The following SSBP4 variants were observed in gnomAD, a reference collection of about 807,000 sequenced individuals.
The protein encoded by SSBP4 is single stranded DNA binding protein 4.
SSBP4 carries 33 observed loss-of-function variants against 64.6 expected under a neutral mutation model. That is an observed-to-expected ratio of 0.51 (90% CI 0.39 to 0.68). SSBP4 has a LOEUF of 0.68. Ranked by LOEUF, SSBP4 falls within the 30% of genes least tolerant of loss-of-function variation. The probability of loss-of-function intolerance (pLI) is 0.00; values close to 1 mark genes in which losing one functional copy is unlikely to be tolerated. For synonymous variants in SSBP4, 243 were observed against 224.0 expected, an observed-to-expected ratio of 1.08 and a Z score of -0.76; for missense variants, 583 against 566.8, an observed-to-expected ratio of 1.03 and a Z score of -0.29.
At chr19:18,433,337 G>C in intron 15 of SSBP4, 124 bp downstream of exon 15, 2 of 1,357,070 alleles carry the variant, frequency 1.5e-6, no homozygotes, top group Non-Finnish European at 2.0e-6. Context: ...AGCCCCCCGG[G>C]GGCCGCTCAG....
the SSBP4 span, among the ~76,000 whole-genome samples, chr19:18,407,968 C>T: frequency 0.29 from 43,631 of 152,000 alleles, 6,465 homozygotes; most frequent in African/African-American, 0.36. Context: ...TGGTCTCAAA[C>T]TTCTGGGCTC....
At chr19:18,405,048 C>T in the SSBP4 span, among the ~76,000 whole-genome samples, 1 of 151,688 alleles carries the variant, frequency 6.6e-6, no homozygotes, top group Non-Finnish European at 1.5e-5. Context: ...GGGGTGGCCC[C>T]GCCTCAATTC....
intron 17 of SSBP4, 141 bp downstream of exon 17, chr19:18,433,958 T>C: frequency 8.3e-7 from 1 of 1,198,786 alleles, no homozygotes; most frequent in South Asian, 3.3e-5. Context: ...CGGCATCCTT[T>C]CCCTCTCCTC....
intron 1 of SSBP4, among the ~76,000 whole-genome samples, chr19:18,425,287 C>A (rs1182502621): frequency 6.6e-6 from 1 of 152,104 alleles, no homozygotes; most frequent in East Asian, 1.9e-4. Context: ...GCAGGACCTC[C>A]CGCTGCCCCC....
At chr19:18,414,824 G>A (rs1454973726), upstream of SSBP4, among the ~76,000 whole-genome samples, 1 of 152,290 alleles carries the variant, frequency 6.6e-6, no homozygotes, top group East Asian at 1.9e-4. Context: ...TGGCTTGGAG[G>A]GGTCACTGAA....
chr19:18,429,477 G>C (rs1354016441), intron 4 of SSBP4, among the ~76,000 whole-genome samples: 2 of 151,732 alleles, frequency 1.3e-5, no homozygotes, highest in African/African-American at 4.8e-5. Context: ...GGGCGGGGGG[G>C]GGGTGCGGTG....
Position 18,433,162 on chromosome 19 carries a change from CCCATGGCCG to C in SSBP4, c.946_954del (p.Ala316_Met318del), listed in dbSNP as rs1973603318. Reference sequence around the variant, plus strand: ...CCCGCTCGGCCCTGGCCCGGAGGGCCCCATGGCCGCCATGAGCGCGATGGAGCCTCACCA... The same window carrying C: ...CCCGCTCGGCCCTGGCCCGGAGGGCCCCATGAGCGCGATGGAGCCTCACCA... On this transcript the variant is annotated inframe_deletion, in exon 15 of 18. Coordinates refer to ENST00000270061, the MANE Select transcript of SSBP4 (RefSeq NM_032627.5). The C allele has an allele frequency of 2.5e-6, 4 of 1,597,074 alleles. No individual in the cohort carries two copies. The highest frequency in any genetic ancestry group is 2.7e-5 in the African/African-American group (2 of 74,748).
rs768736900 is a variant in SSBP4 at position 18,430,834 on chromosome 19, C to T, written c.280-7C>T. The T allele has an allele frequency of 1.2e-6, 2 of 1,611,438 alleles. No individual in the cohort carries two copies. The highest frequency in any genetic ancestry group is 1.7e-5 in the Admixed American group (1 of 59,858). ...CCTGGCCCTCTGGGTTTCCCGCACC[C>T]TTACAGAGTGCTGCAGCCGCCCCCA... On this transcript the variant is annotated splice_region_variant and splice_polypyrimidine_tract_variant and intron_variant, in intron 4 of 17. Coordinates refer to ENST00000270061, the MANE Select transcript of SSBP4 (RefSeq NM_032627.5).
Position 18,427,476 on chromosome 19 carries a change from C to T in SSBP4, c.132+53C>T. ...CCCTCCTCACCCACACTCCGGGGGT[C>T]CTTCATTTCCACTGGGGATCCAGGG... On this transcript the variant is annotated intron_variant, in intron 2 of 17. Transcript: ENST00000270061. This position sits in a 1 kb window ranked among gnomAD's most constrained non-coding sequence, Gnocchi z 4.4. The T allele has an allele frequency of 1.3e-6, 2 of 1,577,614 alleles. No homozygotes were observed. The highest frequency in any genetic ancestry group is 1.7e-6 in the Non-Finnish European group (2 of 1,160,476).
intron 5 of SSBP4, 98 bp from the exon 6 acceptor site, chr19:18,431,255 G>A (rs924664332): frequency 2.3e-4 from 144 of 618,760 alleles, no homozygotes; most frequent in Non-Finnish European, 4.0e-4. Flanking sequence ...CTGTCCCACA[G>A]GCTGGCCCAC....
intron 4 of SSBP4, 51 bp from the exon 5 acceptor site, chr19:18,430,790 A>G: frequency 6.6e-7 from 1 of 1,522,548 alleles, no homozygotes; most frequent in East Asian, 2.4e-5. Context: ...CCCAGGTAGG[A>G]AGTGTCCAGG....
intron 4 of SSBP4, 86 bp downstream of exon 4, chr19:18,428,068 C>A: frequency 7.5e-7 from 1 of 1,325,860 alleles, no homozygotes; most frequent in Non-Finnish European, 1.0e-6. Flanking sequence ...GGGGGCTGCA[C>A]AGCCAGAGGA....
intron 16 of SSBP4, 38 bp downstream of exon 16, chr19:18,433,651 G>C (rs939978373): frequency 4.2e-6 from 6 of 1,427,998 alleles, no homozygotes; most frequent in East Asian, 2.9e-5. Flanking sequence ...TGGGATCCGG[G>C]GGGGGTGGCG....
chr19:18,413,573 T>C, the SSBP4 span, among the ~76,000 whole-genome samples: 2 of 151,990 alleles, frequency 1.3e-5, no homozygotes, highest in East Asian at 3.9e-4. Flanking sequence ...AGACCCAAGA[T>C]GGCACACTGA....
chr19:18,433,216 G>A lies in SSBP4; in HGVS notation c.991+3G>A. On this transcript the variant is annotated splice_donor_region_variant and intron_variant, in intron 15 of 17. Transcript: ENST00000270061. ...TCACCACGTGAACGGATCCCTGGGT[G>A]AGTGGGCGTCCCTGCTCCCGCCCAC... The A allele has an allele frequency of 1.3e-6, 2 of 1,559,522 alleles. No homozygotes were observed. Among genetic ancestry groups the A allele is most frequent in the Non-Finnish European group, 1.7e-6 (2 of 1,152,544 alleles).
At position 18,433,864 on chromosome 19, in the gene SSBP4, G is replaced by GA. The variant is rs755771302; in HGVS notation, c.1128+47_1128+48insA. ...CCCCCCGCGGCGGCGTCGGGCCGGAGGGGCTGGCGGGCAGGCCCCGGCGGG... is the reference window on the plus strand; with the variant it reads ...CCCCCCGCGGCGGCGTCGGGCCGGAGAGGGCTGGCGGGCAGGCCCCGGCGGG... On this transcript the variant is annotated intron_variant, in intron 17 of 17. Transcript: ENST00000270061. The GA allele has an allele frequency of 2.7e-3, 3,208 of 1,180,938 alleles. 30 individuals carry two copies. The highest frequency in any genetic ancestry group is 3.0e-3 in the Non-Finnish European group (2,978 of 980,970). 73.2% of individuals were successfully genotyped at this position (1,180,938 alleles called of 1,614,324 possible).
chr19:18,419,847 G>C, intron 1 of SSBP4, 140 bp downstream of exon 1: 1 of 375,234 alleles, frequency 2.7e-6, no homozygotes, highest in Non-Finnish European at 3.6e-6. Flanking sequence ...CGAGATTGGC[G>C]GGGGCGCGCG....
chr19:18,423,993 A>C lies in SSBP4; in HGVS notation c.60-3358A>C, dbSNP rs969744569. On this transcript the variant is annotated intron_variant, in intron 1 of 17. Transcript: ENST00000270061. The surrounding 1 kb of genome is among the most constrained non-coding windows in gnomAD (Gnocchi z 4.0). ...CTGGCCCCCGGAGCAGTCCTCTGGG[A>C]GGGGAGGACCTTGTAGGTCCCAAAA... Among the ~76,000 whole-genome samples the C allele has an allele frequency of 1.3e-5, 2 of 152,128 alleles. No individual in the cohort carries two copies. Among genetic ancestry groups the C allele is most frequent in the Non-Finnish European group, 2.9e-5 (2 of 68,012 alleles).
the SSBP4 span, among the ~76,000 whole-genome samples, chr19:18,407,414 TTTG>T: frequency 6.6e-6 from 1 of 152,006 alleles, no homozygotes; most frequent in African/African-American, 2.4e-5. Context: ...TAATGTTTTT[TTTG>T]TTGTTGTTTT....
Sources: gnomAD v4.1 joint callset for allele counts (sites outside exome capture counted in the v4.1 genomes callset) on GRCh38, gnomAD v4.1.1 for gene constraint, Gnocchi (gnomAD v3.1) non-coding constraint, MANE v1.5 for transcripts, NCBI Gene and HGNC (gene_info 2026-07-23, HGNC 2026-07-21) for gene names.